Variants in CD96 observed in about 807,000 individuals in gnomAD.
CD96 encodes the protein CD96 molecule, also known as T-cell surface protein tactile.
CD96 carries 70 observed loss-of-function variants against 71.3 expected under a neutral mutation model. The ratio of observed to expected loss-of-function variants is 0.98; its 90% CI spans 0.81 to 1.20. CD96 has a LOEUF of 1.20. Ranked by LOEUF, CD96 falls within the 50% of genes most tolerant of loss-of-function variation. CD96 has a pLI of 0.00. For synonymous variants in CD96, 248 were observed against 233.0 expected (o/e 1.06, Z -0.59); for missense variants, 742 against 677.5 (o/e 1.10, Z -1.06).
chr3:111,552,882 CA>C (rs1246980071), intron 2 of CD96, among the ~76,000 whole-genome samples: 1 of 151,930 alleles, frequency 6.6e-6, no homozygotes, highest in African/African-American at 2.4e-5. Flanking sequence ...AAACAATATA[CA>C]AAAAATACAT....
At chr3:111,594,579 T>C (rs1937166669) in intron 5 of CD96, 1 of 190,722 alleles carries the variant, frequency 5.2e-6, no homozygotes, top group Non-Finnish European at 1.2e-5. Context: ...CCACGACAGG[T>C]ATTTTTGAAT....
intron 8 of CD96, among the ~76,000 whole-genome samples, chr3:111,621,150 G>T (rs753633463): frequency 4.6e-5 from 7 of 152,162 alleles, no homozygotes; most frequent in Non-Finnish European, 8.8e-5. Context: ...GCTGGCAGTT[G>T]CTTATTAGAC....
intron 5 of CD96, among the ~76,000 whole-genome samples, chr3:111,587,948 C>G (rs1308394717): frequency 3.3e-5 from 5 of 152,218 alleles, no homozygotes; most frequent in Non-Finnish European, 5.9e-5. Flanking sequence ...CCTCCTAAAC[C>G]TCTGGGCCTC....
chr3:111,577,506 A>G (rs531394624), intron 3 of CD96: 1 of 1,605,510 alleles, frequency 6.2e-7, no homozygotes, highest in African/African-American at 1.3e-5. Flanking sequence ...CCTTAGGAAA[A>G]CAGCAGCACG....
chr3:111,626,074 C>G (rs1025990382), intron 10 of CD96, among the ~76,000 whole-genome samples: 1 of 151,976 alleles, frequency 6.6e-6, no homozygotes, highest in Non-Finnish European at 1.5e-5. Context: ...GAGGCTGAGG[C>G]GGGTGGATCA....
At chr3:111,664,757 A>T (rs1385254460) in intron 14 of CD96, among the ~76,000 whole-genome samples, 1 of 152,210 alleles carries the variant, frequency 6.6e-6, no homozygotes, top group Non-Finnish European at 1.5e-5. Flanking sequence ...AATATTCTAG[A>T]TTAAAGGAGG....
At chr3:111,606,839 A>C in intron 8 of CD96, 47 bp downstream of exon 8, 1 of 1,105,762 alleles carries the variant, frequency 9.0e-7, no homozygotes, top group Non-Finnish European at 1.4e-6. Flanking sequence ...AAGCAGATTG[A>C]TAACGATAAA....
intron 2 of CD96, among the ~76,000 whole-genome samples, chr3:111,555,806 A>G (rs1351697288): frequency 1.3e-5 from 2 of 152,296 alleles, no homozygotes; most frequent in Non-Finnish European, 2.9e-5. Context: ...TTTTTAAATA[A>G]TCAAATATGT....
At chr3:111,625,597 G>T (rs1938711806) in intron 10 of CD96, among the ~76,000 whole-genome samples, 1 of 152,054 alleles carries the variant, frequency 6.6e-6, no homozygotes, top group African/African-American at 2.4e-5. Flanking sequence ...ATGTACCCCT[G>T]CCATGCACAT....
chr3:111,573,672 A>G (rs558738521), intron 3 of CD96, among the ~76,000 whole-genome samples: 2 of 145,084 alleles, frequency 1.4e-5, no homozygotes, highest in East Asian at 3.9e-4. Flanking sequence ...TCCAATTCAA[A>G]CAATTCAATA....
chr3:111,546,816 C>A (rs138787397), intron 2 of CD96, among the ~76,000 whole-genome samples: 68 of 152,022 alleles, frequency 4.5e-4, no homozygotes, highest in South Asian at 1.9e-3. Context: ...TTGGAACAGT[C>A]CACCTATAGG....
intron 5 of CD96, among the ~76,000 whole-genome samples, chr3:111,596,705 T>C (rs1937276902): frequency 6.6e-6 from 1 of 152,208 alleles, no homozygotes; most frequent in Non-Finnish European, 1.5e-5. Flanking sequence ...AAAATCAATC[T>C]TTGGCATCTA....
Position 111,579,116 on chromosome 3 carries a change from A to G in CD96, c.633A>G (p.Thr211=). 1 of 1,594,912 alleles carries G rather than the reference A, an allele frequency of 6.3e-7. No homozygotes were observed. Among genetic ancestry groups the G allele is most frequent in the Non-Finnish European group, 8.6e-7 (1 of 1,162,388 alleles). ...TTAAAGATAGAGTCAAGCTTGGTAC[A>G]GACTACAGACTCCACCTCTCTCCAG... ...TLLKDRVKLG[T]DYRLHLSPVQ... Residue 211 remains threonine (T), a synonymous_variant, in exon 4 of 14, where the codon ACA becomes ACG. Transcript: ENST00000352690.
chr3:111,662,410 C>G (rs1187042710), intron 14 of CD96, among the ~76,000 whole-genome samples: 1 of 152,198 alleles, frequency 6.6e-6, no homozygotes, highest in Non-Finnish European at 1.5e-5. Flanking sequence ...TCGAAAGTCC[C>G]CCCAGAAAAT....
chr3:111,599,531 C>T (rs1253329136), intron 6 of CD96, among the ~76,000 whole-genome samples: 1 of 152,004 alleles, frequency 6.6e-6, no homozygotes, highest in Non-Finnish European at 1.5e-5. Context: ...ACCAGCCTAA[C>T]TAACATGGTA....
intron 5 of CD96, chr3:111,594,411 A>C (rs1937157869): frequency 3.7e-6 from 2 of 535,282 alleles, no homozygotes; most frequent in South Asian, 8.0e-5. Flanking sequence ...TACAAGCAAA[A>C]CAGCCCAAGA....
chr3:111,570,560 C>CAG, intron 3 of CD96: 1 of 1,371,056 alleles, frequency 7.3e-7, no homozygotes, highest in Non-Finnish European at 1.0e-6. Context: ...GGCCAGACAT[C>CAG]AGGGGGCACT....
chr3:111,548,196 C>T (rs536500633), intron 2 of CD96, among the ~76,000 whole-genome samples: 1 of 152,240 alleles, frequency 6.6e-6, no homozygotes, highest in Admixed American at 6.5e-5. Flanking sequence ...TGCTGAGGGA[C>T]TTGAAGTGTT....
At chr3:111,582,880 C>T (rs1410766135) in intron 4 of CD96, among the ~76,000 whole-genome samples, 1 of 152,122 alleles carries the variant, frequency 6.6e-6, no homozygotes, top group African/African-American at 2.4e-5. Flanking sequence ...GGGACACAGC[C>T]AAACCATATA....
Sources: gnomAD v4.1 joint callset for allele counts (sites outside exome capture counted in the v4.1 genomes callset) on GRCh38, gnomAD v4.1.1 for gene constraint, MANE v1.5 for transcripts, NCBI Gene and HGNC (gene_info 2026-07-23, HGNC 2026-07-21) for gene names.